MGAT4C: variants seen among roughly 807,000 people sequenced by gnomAD.
The protein encoded by MGAT4C is alpha-1,3-mannosyl-glycoprotein 4-beta-N-acetylglucosaminyltransferase C.
Under a neutral mutation model 40.1 loss-of-function variants are expected in MGAT4C, and 19 were observed. The observed-to-expected ratio is 0.47, with a 90% CI of 0.33 to 0.70. The LOEUF is 0.70. MGAT4C is among the 30% of genes least tolerant of loss of function. MGAT4C has a pLI of 0.02. For synonymous variants in MGAT4C, 181 were observed against 187.1 expected, an observed-to-expected ratio of 0.97 and a Z score of 0.27; for missense variants, 491 against 563.2, an observed-to-expected ratio of 0.87 and a Z score of 1.30.
intron 2 of MGAT4C, among the ~76,000 whole-genome samples, chr12:86,587,983 A>G (rs566342642): frequency 6.6e-6 from 1 of 152,028 alleles, no homozygotes; most frequent in South Asian, 2.1e-4. Context: ...TTCCAACACT[A>G]TGTTGAATAG....
intron 1 of MGAT4C, among the ~76,000 whole-genome samples, chr12:86,813,061 T>C (rs1952507947): frequency 6.6e-6 from 1 of 152,104 alleles, no homozygotes; most frequent in Admixed American, 6.6e-5. Flanking sequence ...CATATACTGC[T>C]GATGCCACAT....
intron 3 of MGAT4C, among the ~76,000 whole-genome samples, chr12:86,372,253 T>C (rs1263231054): frequency 6.6e-6 from 1 of 151,856 alleles, no homozygotes; most frequent in Non-Finnish European, 1.5e-5. Flanking sequence ...CATTTATTCA[T>C]GCCTAGGGTA....
At chr12:85,983,329 A>AT (rs1180049457) in intron 4 of MGAT4C, among the ~76,000 whole-genome samples, 194 bp downstream of exon 4, 6 of 152,098 alleles carry the variant, frequency 3.9e-5, no homozygotes, top group African/African-American at 1.4e-4. Flanking sequence ...ATTTTATTTA[A>AT]TTTTTTTGTT....
At position 86,461,651 on chromosome 12, in the gene MGAT4C, T is replaced by C. The variant is rs77444421; in HGVS notation, c.-228-26386A>G. On this transcript the variant is annotated intron_variant, in intron 2 of 7. Transcript: ENST00000548651. ...GAAAGAAAATCCACAGCAGTATTAA[T>C]AAAGGCTCATAAAGTGCACTAAGAA... Among the ~76,000 whole-genome samples the C allele has an allele frequency of 1.6e-3, 239 of 152,280 alleles. 11 individuals are homozygous for C. The East Asian group carries it at 0.038, about 24-fold the overall frequency.
intron 4 of MGAT4C, among the ~76,000 whole-genome samples, chr12:86,309,862 T>A (rs1292976623): frequency 6.6e-6 from 1 of 152,046 alleles, no homozygotes; most frequent in Non-Finnish European, 1.5e-5. Context: ...TTATCTCGAG[T>A]CCAAAATTTT....
At chr12:86,807,846 T>G (rs1298690134) in intron 1 of MGAT4C, among the ~76,000 whole-genome samples, 1 of 152,138 alleles carries the variant, frequency 6.6e-6, no homozygotes, top group East Asian at 1.9e-4. Context: ...GGTATCTCAT[T>G]GTGATTTTGA....
chr12:86,073,614 A>G (rs1471903872), intron 1 of MGAT4C, among the ~76,000 whole-genome samples: 1 of 152,048 alleles, frequency 6.6e-6, no homozygotes, highest in Non-Finnish European at 1.5e-5. Flanking sequence ...TGGGAACTGG[A>G]GTTAAGGCGA....
chr12:86,434,603 G>A (rs1957104360), intron 3 of MGAT4C, among the ~76,000 whole-genome samples: 1 of 151,924 alleles, frequency 6.6e-6, no homozygotes. Flanking sequence ...GTATATATGT[G>A]CACAGTTACA....
chr12:86,605,367 G>A (rs180759083), intron 2 of MGAT4C, among the ~76,000 whole-genome samples: 121 of 151,912 alleles, frequency 8.0e-4, no homozygotes, highest in Admixed American at 4.2e-3. Flanking sequence ...TCTTTCACCC[G>A]TTTACTGAGT....
At chr12:86,069,784 T>C (rs1321216697) in intron 1 of MGAT4C, among the ~76,000 whole-genome samples, 1 of 152,118 alleles carries the variant, frequency 6.6e-6, no homozygotes, top group African/African-American at 2.4e-5. Flanking sequence ...AACTAGTGTG[T>C]TTTTAACTCA....
intron 1 of MGAT4C, among the ~76,000 whole-genome samples, chr12:86,175,457 C>T (rs533767477): frequency 8.5e-5 from 13 of 152,276 alleles, no homozygotes; most frequent in African/African-American, 3.1e-4. Flanking sequence ...TCAGTTCTCA[C>T]ATGGACCAAT....
chr12:86,497,893 A>T (rs1009726649), intron 2 of MGAT4C, among the ~76,000 whole-genome samples: 5 of 133,888 alleles, frequency 3.7e-5, no homozygotes, highest in Non-Finnish European at 4.7e-5. Context: ...GAAATTCCTA[A>T]ATATATATAT....
chr12:86,131,063 G>C (rs1356058677), intron 1 of MGAT4C, among the ~76,000 whole-genome samples: 3 of 152,020 alleles, frequency 2.0e-5, no homozygotes, highest in Non-Finnish European at 4.4e-5. Context: ...CATCTCTCAA[G>C]TTTTCCAGAC....
chr12:86,256,923 A>G (rs1476432792), upstream of MGAT4C, among the ~76,000 whole-genome samples: 1 of 152,140 alleles, frequency 6.6e-6, no homozygotes, highest in South Asian at 2.1e-4. Flanking sequence ...CTTCTAATAA[A>G]ACCACAAAAA....
intron 1 of MGAT4C, among the ~76,000 whole-genome samples, chr12:86,791,332 C>A (rs1052781155): frequency 6.6e-6 from 1 of 152,036 alleles, no homozygotes; most frequent in Non-Finnish European, 1.5e-5. Context: ...TATCCAAACA[C>A]CATCTTGGAA....
chr12:86,600,464 C>T (rs1162809163), intron 2 of MGAT4C, among the ~76,000 whole-genome samples: 1 of 152,138 alleles, frequency 6.6e-6, no homozygotes, highest in Non-Finnish European at 1.5e-5. Context: ...TGGAAGAGAA[C>T]ATATTTGAGT....
At chr12:86,497,915 T>TATATATATAC (rs1200308012) in intron 2 of MGAT4C, among the ~76,000 whole-genome samples, 2 of 141,838 alleles carry the variant, frequency 1.4e-5, no homozygotes, top group Non-Finnish European at 3.1e-5. Flanking sequence ...TATATATATA[T>TATATATATAC]ACGCACACAC....
chr12:86,644,915 T>C (rs1486645997), intron 2 of MGAT4C, among the ~76,000 whole-genome samples: 1 of 151,700 alleles, frequency 6.6e-6, no homozygotes, highest in Non-Finnish European at 1.5e-5. Flanking sequence ...AACATGCTGG[T>C]AATGTTCTAT....
intron 3 of MGAT4C, among the ~76,000 whole-genome samples, chr12:86,352,081 A>G (rs1188269021): frequency 2.6e-5 from 4 of 152,222 alleles, no homozygotes; most frequent in Admixed American, 2.0e-4. Context: ...GCTTATTGGC[A>G]CTTATTAATT....
Sources: allele counts gnomAD v4.1 joint callset (sites outside exome capture counted in the v4.1 genomes callset), GRCh38; gene constraint gnomAD v4.1.1; transcripts MANE v1.5; gene names NCBI Gene and HGNC (gene_info 2026-07-23, HGNC 2026-07-21).